LIFR: variants seen among roughly 807,000 people sequenced by gnomAD.
The protein encoded by LIFR is leukemia inhibitory factor receptor.
LIFR carries 84 observed loss-of-function variants against 122.2 expected under a neutral mutation model. That is an observed-to-expected ratio of 0.69 (90% confidence interval 0.58 to 0.82). LIFR has a LOEUF of 0.82. LIFR is among the 40% of genes least tolerant of loss of function. The pLI, the probability that LIFR is intolerant of heterozygous loss-of-function variation, is 0.00. For missense variants in LIFR, 1,294 were observed against 1,311.6 expected (o/e 0.99, Z 0.21); for synonymous variants, 422 against 434.7 (o/e 0.97, Z 0.36).
At chr5:38,505,219 C>A (rs1268438333) in intron 9 of LIFR, among the ~76,000 whole-genome samples, 1 of 152,006 alleles carries the variant, frequency 6.6e-6, no homozygotes, top group Non-Finnish European at 1.5e-5. Flanking sequence ...ATGTAACAAT[C>A]TCAAACTGAT....
At chr5:38,494,285 C>G (rs886477658) in intron 13 of LIFR, among the ~76,000 whole-genome samples, 1 of 152,108 alleles carries the variant, frequency 6.6e-6, no homozygotes, top group South Asian at 2.1e-4. Flanking sequence ...TTTCTTTCAA[C>G]GAAGACTGCA....
intron 5 of LIFR, among the ~76,000 whole-genome samples, chr5:38,512,983 A>G (rs1745882535): frequency 6.6e-6 from 1 of 152,184 alleles, no homozygotes; most frequent in African/African-American, 2.4e-5. Flanking sequence ...TGTAAGTTAT[A>G]CTAATACAAA....
At chr5:38,560,163 T>A (rs980654363), upstream of LIFR, among the ~76,000 whole-genome samples, 4 of 152,016 alleles carry the variant, frequency 2.6e-5, no homozygotes, top group African/African-American at 9.7e-5. Context: ...CTGGAATAAA[T>A]TTTGGAAGCA....
intron 4 of LIFR, among the ~76,000 whole-genome samples, chr5:38,526,328 C>G (rs1182227403): frequency 6.6e-6 from 1 of 151,908 alleles, no homozygotes; most frequent in Non-Finnish European, 1.5e-5. Context: ...CAGAATGACC[C>G]AAATTTTCAG....
intron 7 of LIFR, among the ~76,000 whole-genome samples, chr5:38,510,026 A>G (rs1354533311): frequency 6.6e-6 from 1 of 152,236 alleles, no homozygotes; most frequent in African/African-American, 2.4e-5. Context: ...AAGATGGAGA[A>G]GATATGTTAT....
chr5:38,491,767 G>A (rs1744606136), intron 14 of LIFR, among the ~76,000 whole-genome samples: 1 of 152,206 alleles, frequency 6.6e-6, no homozygotes. Context: ...TTAAACGTTT[G>A]TTATGTGCTG....
chr5:38,517,737 G>A (rs1270087183), intron 5 of LIFR, among the ~76,000 whole-genome samples: 1 of 151,168 alleles, frequency 6.6e-6, no homozygotes, highest in Non-Finnish European at 1.5e-5. Context: ...TGTGCCTGTA[G>A]TCCCAGCTAC....
At chr5:38,492,799 A>G (rs1744665838) in intron 14 of LIFR, among the ~76,000 whole-genome samples, 1 of 152,164 alleles carries the variant, frequency 6.6e-6, no homozygotes, top group South Asian at 2.1e-4. Context: ...ATGATCACGA[A>G]GCATCACTAC....
intron 2 of LIFR, among the ~76,000 whole-genome samples, chr5:38,605,364 C>T (rs560930279): frequency 3.9e-5 from 6 of 152,256 alleles, no homozygotes; most frequent in South Asian, 2.1e-4. Context: ...ACTACTTGCT[C>T]GCTTTGTGAT....
At chr5:38,530,848 G>C (rs73077500) in intron 1 of LIFR, 182 bp from the exon 2 acceptor site, 1 of 581,750 alleles carries the variant, frequency 1.7e-6, no homozygotes, top group African/African-American at 1.9e-5. Context: ...GGACACAGCT[G>C]TTGCTTTAGG....
chr5:38,570,273 T>G (rs1749167641), intron 1 of LIFR, among the ~76,000 whole-genome samples: 1 of 152,200 alleles, frequency 6.6e-6, no homozygotes, highest in African/African-American at 2.4e-5. Flanking sequence ...TGGCTTATAA[T>G]GGTACCTAAA....
rs1000353083 is a variant in LIFR at position 38,530,551 on chromosome 5, A to G, written c.97T>C (p.Phe33Leu). The change falls in exon 2 of 20, where the codon TTT becomes CTT. Residue 33 changes from phenylalanine to leucine, a missense_variant. Physicochemically the swap from Phe to Leu is conservative, Grantham distance 22. Coordinates refer to ENST00000453190, the MANE Select transcript of LIFR (RefSeq NM_001127671.2). ...TGATTCATTAGATATAGAAGAATAA[A>G]TGTTGATAACAGCCACTGGAAATTT... ...ASNFQWLLST[F>L]ILLYLMNQVN... The G allele has an allele frequency of 1.1e-5, 17 of 1,613,008 alleles. No individual in the cohort carries two copies. The highest frequency in any genetic ancestry group is 1.6e-4 in the Middle Eastern group (1 of 6,082).
intron 4 of LIFR, among the ~76,000 whole-genome samples, chr5:38,524,711 T>G (rs930525219): frequency 2.0e-5 from 3 of 152,252 alleles, no homozygotes; most frequent in Admixed American, 1.3e-4. Flanking sequence ...GGATGCAGAC[T>G]TAAAAGGAAC....
chr5:38,569,700 G>A (rs926562351), intron 1 of LIFR, among the ~76,000 whole-genome samples: 2 of 152,150 alleles, frequency 1.3e-5, no homozygotes, highest in African/African-American at 4.8e-5. Flanking sequence ...CTTACAATCT[G>A]GGCAGACAAG....
chr5:38,549,563 C>T (rs1748086628), intron 1 of LIFR, among the ~76,000 whole-genome samples: 1 of 152,148 alleles, frequency 6.6e-6, no homozygotes, highest in Non-Finnish European at 1.5e-5. Flanking sequence ...GAGGCCGAGG[C>T]AGGCGGATCA....
chr5:38,489,271 A>G, intron 15 of LIFR, 26 bp from the exon 16 acceptor site: 1 of 1,580,208 alleles, frequency 6.3e-7, no homozygotes, highest in Middle Eastern at 1.7e-4. Context: ...GTCAATTGCT[A>G]AAGGGGAGTG....
intron 1 of LIFR, among the ~76,000 whole-genome samples, chr5:38,540,198 C>T (rs1747514490): frequency 6.6e-6 from 1 of 152,050 alleles, no homozygotes; most frequent in Admixed American, 6.5e-5. Context: ...TCAAATTACA[C>T]AACTAAGACC....
At chr5:38,587,172 C>T (rs1312874462) in intron 1 of LIFR, among the ~76,000 whole-genome samples, 1 of 151,908 alleles carries the variant, frequency 6.6e-6, no homozygotes, top group African/African-American at 2.4e-5. Context: ...CCCCTCCCCA[C>T]CCCAGCCCTC....
At chr5:38,606,062 G>T (rs1046695617) in intron 2 of LIFR, 6 of 152,204 alleles carry the variant, frequency 3.9e-5, no homozygotes, top group African/African-American at 1.4e-4. Context: ...ACAAGTGTTT[G>T]TGAAATCACT....
Sources: gnomAD v4.1 joint callset for allele counts (sites outside exome capture counted in the v4.1 genomes callset) on GRCh38, gnomAD v4.1.1 for gene constraint, MANE v1.5 for transcripts, NCBI Gene and HGNC (gene_info 2026-07-23, HGNC 2026-07-21) for gene names.